CTNNA3: variants seen among roughly 807,000 people sequenced by gnomAD.
CTNNA3 encodes catenin alpha-3.
CTNNA3 carries 76 observed loss-of-function variants against 95.7 expected under a neutral mutation model. That is an observed-to-expected ratio of 0.79 (90% CI 0.66 to 0.96). The LOEUF (loss-of-function observed/expected upper bound fraction) is 0.96, where lower values mean the gene tolerates loss of function less well. Among genes scored for constraint, CTNNA3 ranks in the 40% least tolerant of loss-of-function variants. The pLI is 0.00. For missense variants in CTNNA3, 1,191 were observed against 1,089.8 expected, an observed-to-expected ratio of 1.09 and a Z score of -1.31; for synonymous variants, 431 against 374.4, an observed-to-expected ratio of 1.15 and a Z score of -1.74.
At chr10:66,550,949 T>C (rs1038649620) in intron 10 of CTNNA3, among the ~76,000 whole-genome samples, 5 of 152,166 alleles carry the variant, frequency 3.3e-5, no homozygotes, top group African/African-American at 1.2e-4. Flanking sequence ...CCCCATTGAA[T>C]TTTAGGTTAT....
chr10:66,306,505 G>A lies in CTNNA3; in HGVS notation c.1733-25884C>T, dbSNP rs183004137. On this transcript the variant is annotated intron_variant, in intron 12 of 17. Transcript: ENST00000433211. ...TGAATCGATGATGGTGCCAAAATTA[G>A]AATTTATGGCTGTGCCTAATCTATT... is the stretch of plus-strand genomic sequence containing the variant. Among the ~76,000 whole-genome samples the A allele has an allele frequency of 2.0e-3, 304 of 152,272 alleles. 1 individual carries two copies. Among genetic ancestry groups the A allele is most frequent in the African/African-American group, 7.1e-3 (295 of 41,552 alleles).
chr10:66,967,952 T>C (rs1174984584), intron 7 of CTNNA3, among the ~76,000 whole-genome samples: 1 of 152,130 alleles, frequency 6.6e-6, no homozygotes, highest in Admixed American at 6.5e-5. Flanking sequence ...GAATGCTTTT[T>C]GATGAATGGG....
intron 3 of CTNNA3, among the ~76,000 whole-genome samples, chr10:67,568,507 G>GCA (rs1302624206): frequency 1.1e-4 from 16 of 150,080 alleles, no homozygotes; most frequent in African/African-American, 3.9e-4. Flanking sequence ...ATATTTCCTT[G>GCA]CACGCACACA....
At chr10:67,146,648 G>C (rs1038688742) in intron 7 of CTNNA3, among the ~76,000 whole-genome samples, 3 of 152,212 alleles carry the variant, frequency 2.0e-5, no homozygotes, top group African/African-American at 7.2e-5. Context: ...ATTTAAGAGA[G>C]ATGCTTGCAT....
At chr10:66,505,032 C>G (rs1002801415) in intron 11 of CTNNA3, among the ~76,000 whole-genome samples, 1 of 152,134 alleles carries the variant, frequency 6.6e-6, no homozygotes, top group African/African-American at 2.4e-5. Context: ...ATTACTCTAG[C>G]TATACCTTAA....
chr10:66,976,546 T>C (rs553976940), intron 7 of CTNNA3, among the ~76,000 whole-genome samples: 4 of 152,312 alleles, frequency 2.6e-5, no homozygotes, highest in South Asian at 4.1e-4. Flanking sequence ...ATAACTGTAA[T>C]GACATCATCT....
At chr10:67,360,392 C>T (rs7098732) in intron 5 of CTNNA3, among the ~76,000 whole-genome samples, 1 of 144,342 alleles carries the variant, frequency 6.9e-6, no homozygotes, top group Non-Finnish European at 1.5e-5. Context: ...GATGCCCCAT[C>T]TAAAAGGCAT....
rs145956956 is a variant in CTNNA3 at position 66,516,670 on chromosome 10, C to T, written c.1531+3947G>A. On this transcript the variant is annotated intron_variant, in intron 11 of 17. Coordinates refer to ENST00000433211, the MANE Select transcript of CTNNA3 (RefSeq NM_013266.4). ...CAGTTGTTAATCACTTATCAGCACC[C>T]TCTAAACTCATCTTGGAAATCTAAT... Among the ~76,000 whole-genome samples, 739 of 152,258 alleles carry T rather than the reference C, an allele frequency of 4.9e-3. 13 individuals carry two copies. Among genetic ancestry groups the T allele is most frequent in the African/African-American group, 0.017 (711 of 41,542 alleles).
At chr10:66,011,425 G>A (rs1164459265) in intron 15 of CTNNA3, among the ~76,000 whole-genome samples, 5 of 152,096 alleles carry the variant, frequency 3.3e-5, no homozygotes, top group East Asian at 3.9e-4. Context: ...GAATTGGAGA[G>A]GTTTCTGCTC....
At chr10:66,787,909 TGA>T (rs1231781067) in intron 7 of CTNNA3, among the ~76,000 whole-genome samples, 5 of 152,176 alleles carry the variant, frequency 3.3e-5, no homozygotes, top group Non-Finnish European at 7.3e-5. Flanking sequence ...CCCATGTATC[TGA>T]GAGACAGAAC....
intron 17 of CTNNA3, among the ~76,000 whole-genome samples, chr10:65,952,001 G>C (rs1188806123): frequency 2.2e-5 from 3 of 133,688 alleles, no homozygotes; most frequent in Non-Finnish European, 4.5e-5. Flanking sequence ...TTGCACTCCA[G>C]ACCGGGCGAC....
At chr10:67,230,953 T>G (rs1865168412) in intron 5 of CTNNA3, among the ~76,000 whole-genome samples, 2 of 152,120 alleles carry the variant, frequency 1.3e-5, no homozygotes, top group South Asian at 4.1e-4. Context: ...ACCCGAATAC[T>G]GCGCTTTTCC....
intron 3 of CTNNA3, among the ~76,000 whole-genome samples, chr10:67,570,720 G>T (rs1435464122): frequency 3.3e-5 from 5 of 152,172 alleles, no homozygotes; most frequent in Non-Finnish European, 7.4e-5. Context: ...TGAACTCTCA[G>T]CATATTTGAC....
chr10:66,661,606 T>G (rs1455348511), intron 9 of CTNNA3, among the ~76,000 whole-genome samples: 10 of 151,974 alleles, frequency 6.6e-5, no homozygotes, highest in Admixed American at 1.3e-4. Flanking sequence ...TACTCTCATA[T>G]CCCCTCTTGG....
intron 10 of CTNNA3, among the ~76,000 whole-genome samples, chr10:66,542,499 A>T (rs1191829963): frequency 1.3e-5 from 2 of 152,122 alleles, no homozygotes; most frequent in African/African-American, 4.8e-5. Context: ...CAAATGTCCA[A>T]CAATGATAGA....
chr10:66,342,084 C>T (rs1472801189), intron 12 of CTNNA3, among the ~76,000 whole-genome samples: 2 of 151,836 alleles, frequency 1.3e-5, no homozygotes, highest in Non-Finnish European at 2.9e-5. Flanking sequence ...TATTCTAATT[C>T]TAATTCAATT....
intron 2 of CTNNA3, among the ~76,000 whole-genome samples, chr10:67,637,401 A>C (rs1208492839): frequency 6.6e-6 from 1 of 152,244 alleles, no homozygotes; most frequent in Non-Finnish European, 1.5e-5. Flanking sequence ...GTGTACCTGA[A>C]AGTGACGGGC....
At chr10:67,145,069 A>G (rs1031840395) in intron 7 of CTNNA3, among the ~76,000 whole-genome samples, 1 of 152,142 alleles carries the variant, frequency 6.6e-6, no homozygotes, top group African/African-American at 2.4e-5. Flanking sequence ...GGAGAAGGAG[A>G]AAGCTGGAGG....
chr10:66,547,908 T>G (rs2132097577), intron 10 of CTNNA3, among the ~76,000 whole-genome samples: 1 of 151,822 alleles, frequency 6.6e-6, no homozygotes, highest in South Asian at 2.1e-4. Context: ...CATCATTTCT[T>G]AGTATCTGAT....
Sources: allele counts gnomAD v4.1 joint callset (sites outside exome capture counted in the v4.1 genomes callset), GRCh38; gene constraint gnomAD v4.1.1; transcripts MANE v1.5; gene names NCBI Gene and HGNC (gene_info 2026-07-23, HGNC 2026-07-21).